The following TTLL7 variants were observed in gnomAD, a reference collection of about 807,000 sequenced individuals.
The protein encoded by TTLL7 is tubulin tyrosine ligase like 7, also known as tubulin polyglutamylase TTLL7.
In TTLL7, 53 loss-of-function variants were observed where a neutral mutation model predicts 120.2. The ratio of observed to expected loss-of-function variants is 0.44; its 90% CI spans 0.35 to 0.55. The LOEUF (loss-of-function observed/expected upper bound fraction) is 0.55, where lower values mean the gene tolerates loss of function less well. TTLL7 is among the 20% of genes least tolerant of loss of function. The probability of loss-of-function intolerance (pLI) is 0.00; values close to 1 mark genes in which losing one functional copy is unlikely to be tolerated. For synonymous variants in TTLL7, 353 were observed against 351.7 expected (o/e 1.00, Z -0.04); for missense variants, 803 against 1,054.7 (o/e 0.76, Z 3.31).
chr1:83,982,375 A>G (rs1373849529), intron 1 of TTLL7, among the ~76,000 whole-genome samples: 1 of 151,984 alleles, frequency 6.6e-6, no homozygotes, highest in Non-Finnish European at 1.5e-5. Flanking sequence ...CAAGAGGGAG[A>G]AAAAAAATCC....
At chr1:83,949,724 T>C in intron 4 of TTLL7, 141 bp downstream of exon 4, 1 of 857,332 alleles carries the variant, frequency 1.2e-6, no homozygotes, top group South Asian at 1.7e-5. Context: ...CCAATACAAC[T>C]GGATAGCAAC....
chr1:83,986,727 C>A (rs1009871800), intron 1 of TTLL7, among the ~76,000 whole-genome samples: 7 of 152,138 alleles, frequency 4.6e-5, no homozygotes, highest in Non-Finnish European at 7.4e-5. Context: ...TGTGTCCCAG[C>A]TACTCAAGAG....
intron 5 of TTLL7, 109 bp downstream of exon 5, chr1:83,948,519 T>G (rs1314607834): frequency 1.4e-6 from 1 of 740,624 alleles, no homozygotes; most frequent in African/African-American, 1.8e-5. Context: ...TCTATCACTC[T>G]CATCTAAATA....
chr1:83,934,217 A>G (rs934675417), intron 8 of TTLL7, among the ~76,000 whole-genome samples: 7 of 152,316 alleles, frequency 4.6e-5, no homozygotes, highest in Middle Eastern at 3.4e-3. Context: ...CAGTGCCTAC[A>G]ATAGTAGCTG....
chr1:83,888,203 T>A (rs910840502), intron 19 of TTLL7, among the ~76,000 whole-genome samples: 6 of 151,964 alleles, frequency 3.9e-5, no homozygotes, highest in Admixed American at 3.9e-4. Flanking sequence ...GTAGAGAGTA[T>A]CTGGGATTCA....
In TTLL7 at chr1:83,984,820, G is replaced by A. The variant is rs976986709; in HGVS notation, c.-177+14111C>T. Among the ~76,000 whole-genome samples the A allele has an allele frequency of 2.6e-5, 4 of 151,990 alleles. No individual in the cohort carries two copies. The East Asian group carries it at 5.8e-4, about 22-fold the overall frequency. On this transcript the variant is annotated intron_variant, in intron 1 of 20. Coordinates refer to ENST00000260505, the MANE Select transcript of TTLL7 (RefSeq NM_024686.6). ...CGTGGGCTGAAAAACTACTGATTGG[G>A]TACTATGCTCACTAAATGGGTTATG...
intron 10 of TTLL7, 128 bp downstream of exon 10, chr1:83,929,008 A>C: frequency 2.4e-6 from 1 of 419,292 alleles, no homozygotes; most frequent in Non-Finnish European, 4.1e-6. Flanking sequence ...AAATGGATGG[A>C]ATCAAGAAAT....
rs553529155 is a variant in TTLL7 at position 83,969,804 on chromosome 1, TAAAATTG to T, written c.-176-17424_-176-17418del. Among the ~76,000 whole-genome samples, 26 of 152,076 alleles carry T rather than the reference TAAAATTG, an allele frequency of 1.7e-4. No homozygotes were observed. In the East Asian group the frequency reaches 4.3e-3, roughly 25 times the overall value. The stretch of plus-strand genomic sequence containing the variant: ...AAACAATGGATAATTAAATGGTCAT[TAAAATTG>T]AAAATGAAGATCTTTCACTGGTATG... On this transcript the variant is annotated intron_variant, in intron 1 of 20. Coordinates refer to ENST00000260505, the MANE Select transcript of TTLL7 (RefSeq NM_024686.6).
rs79363063 is a variant in TTLL7 at position 83,920,739 on chromosome 1, C to T, written c.1364+348G>A. On this transcript the variant is annotated intron_variant, in intron 12 of 20. Coordinates refer to ENST00000260505, the MANE Select transcript of TTLL7 (RefSeq NM_024686.6). Reference sequence around the variant, plus strand: ...CTCCTTCAAACATTTTCATTATTTGCCTAGTTCCTGAAAAAGTACAGTAAC... The same window carrying T: ...CTCCTTCAAACATTTTCATTATTTGTCTAGTTCCTGAAAAAGTACAGTAAC... 2.2e-3 allele frequency: 476 copies of T among 219,960 alleles called. 2 individuals are homozygous for T. Among genetic ancestry groups the T allele is most frequent in the African/African-American group, 0.01 (434 of 42,666 alleles). 13.6% of individuals were successfully genotyped at this position (219,960 alleles called of 1,614,324 possible).
chr1:83,904,625 ACT>A (rs917585022), intron 17 of TTLL7, among the ~76,000 whole-genome samples: 2 of 152,078 alleles, frequency 1.3e-5, no homozygotes, highest in African/African-American at 2.4e-5. Flanking sequence ...ACAGAATGAG[ACT>A]CTGTCTCAAA....
chr1:83,951,942 T>A lies in TTLL7; in HGVS notation c.60A>T (p.Thr20=), dbSNP rs773279260. The A allele has an allele frequency of 1.9e-6, 3 of 1,611,684 alleles. No individual in the cohort carries two copies. In the African/African-American group the frequency reaches 4.0e-5, roughly 22 times the overall value. ...IQGPSPLDLN[T]ELPYQSTMKR... ...TCATTGTGCTTTGATAAGGTAATTC[T>A]GTATTCAAATCCAGGGGAGAGGGTC... The change falls in exon 3 of 21, where the codon ACA becomes ACT. Residue 20 remains threonine (T), a synonymous_variant. Transcript: ENST00000260505.
chr1:83,924,873 G>C (rs1658979904), intron 10 of TTLL7, among the ~76,000 whole-genome samples: 1 of 152,092 alleles, frequency 6.6e-6, no homozygotes, highest in Admixed American at 6.6e-5. Context: ...CATTTCCAAG[G>C]CAAAGGAAAA....
At chr1:83,897,005 A>G (rs1384391364) in intron 18 of TTLL7, among the ~76,000 whole-genome samples, 1 of 152,030 alleles carries the variant, frequency 6.6e-6, no homozygotes, top group Non-Finnish European at 1.5e-5. Flanking sequence ...AACTATTTCC[A>G]TTTTCACCTG....
chr1:83,892,373 T>C (rs61766869), intron 18 of TTLL7, among the ~76,000 whole-genome samples: 10 of 127,714 alleles, frequency 7.8e-5, no homozygotes, highest in African/African-American at 2.3e-4. Context: ...TATATACGAA[T>C]ATATATGAAT....
At chr1:83,874,589 C>T (rs537090922) in intron 20 of TTLL7, among the ~76,000 whole-genome samples, 1 of 152,082 alleles carries the variant, frequency 6.6e-6, no homozygotes, top group South Asian at 2.1e-4. Flanking sequence ...AGATTTTTAC[C>T]AGCAATGCAT....
chr1:83,944,148 T>C (rs962010609), intron 6 of TTLL7, among the ~76,000 whole-genome samples: 1 of 152,050 alleles, frequency 6.6e-6, no homozygotes, highest in East Asian at 1.9e-4. Flanking sequence ...ACAGAGCCTA[T>C]AAAATCTGTG....
chr1:83,896,487 AGGCGG>A (rs1340231855), intron 18 of TTLL7, among the ~76,000 whole-genome samples: 1 of 152,104 alleles, frequency 6.6e-6, no homozygotes, highest in African/African-American at 2.4e-5. Context: ...CACGAGGTGA[AGGCGG>A]TTTAGAAATA....
chr1:83,962,426 AT>A (rs1294839949), intron 1 of TTLL7, among the ~76,000 whole-genome samples: 1 of 152,070 alleles, frequency 6.6e-6, no homozygotes, highest in Non-Finnish European at 1.5e-5. Context: ...TACTATTTAT[AT>A]TTCCATCTAC....
chr1:83,884,878 A>G (rs1236640479), intron 19 of TTLL7, among the ~76,000 whole-genome samples: 1 of 151,912 alleles, frequency 6.6e-6, no homozygotes, highest in African/African-American at 2.4e-5. Flanking sequence ...TATAATAATA[A>G]TAAAATAAAA....
Sources: gnomAD v4.1 joint callset for allele counts (sites outside exome capture counted in the v4.1 genomes callset) on GRCh38, gnomAD v4.1.1 for gene constraint, MANE v1.5 for transcripts, NCBI Gene and HGNC (gene_info 2026-07-23, HGNC 2026-07-21) for gene names.